GNAQ: variants seen among roughly 807,000 people sequenced by gnomAD.
GNAQ encodes the protein guanine nucleotide-binding protein G(q) subunit alpha.
In GNAQ, 8 loss-of-function variants were observed where a neutral mutation model predicts 43.9. The observed-to-expected ratio is 0.18, with a 90% CI of 0.11 to 0.33. GNAQ has a LOEUF of 0.33. Ranked by LOEUF, GNAQ falls within the 10% of genes least tolerant of loss-of-function variation. The pLI is 1.00. For synonymous variants in GNAQ, 155 were observed against 170.7 expected (o/e 0.91, Z 0.71); for missense variants, 158 against 450.8 (o/e 0.35, Z 5.88).
chr9:77,901,245 G>C (rs1206811604), intron 2 of GNAQ, among the ~76,000 whole-genome samples: 1 of 152,094 alleles, frequency 6.6e-6, no homozygotes, highest in East Asian at 1.9e-4. Context: ...TCCTGCCCAA[G>C]GGCTCTTGGG....
chr9:77,765,160 T>G (rs1259352994), intron 5 of GNAQ, among the ~76,000 whole-genome samples: 1 of 151,880 alleles, frequency 6.6e-6, no homozygotes, highest in East Asian at 1.9e-4. Context: ...AAGAACTTAT[T>G]TAAAAAAAAA....
intron 2 of GNAQ, among the ~76,000 whole-genome samples, chr9:77,868,989 G>A (rs774892655): frequency 1.1e-4 from 16 of 151,670 alleles, no homozygotes; most frequent in Admixed American, 2.6e-4. Flanking sequence ...TCTGTCTTGC[G>A]GGGGAGGGGG....
chr9:78,005,113 GCAAT>G (rs916876922), intron 1 of GNAQ, among the ~76,000 whole-genome samples: 12 of 152,118 alleles, frequency 7.9e-5, no homozygotes, highest in Non-Finnish European at 1.5e-4. Context: ...GTGCAGTGGG[GCAAT>G]CATGACTCAC....
chr9:77,992,764 G>A (rs1318009420), intron 1 of GNAQ, among the ~76,000 whole-genome samples: 1 of 151,980 alleles, frequency 6.6e-6, no homozygotes, highest in African/African-American at 2.4e-5. Flanking sequence ...AGCCAACATG[G>A]CAAAACCCCT....
At chr9:77,841,405 T>C (rs145393449) in intron 2 of GNAQ, among the ~76,000 whole-genome samples, 189 of 152,334 alleles carry the variant, frequency 1.2e-3, no homozygotes, top group African/African-American at 4.2e-3. Context: ...GCTCTCAGTA[T>C]ATATTTAAAC....
At chr9:77,778,198 CAT>C (rs765561849) in intron 5 of GNAQ, among the ~76,000 whole-genome samples, 103 of 143,320 alleles carry the variant, frequency 7.2e-4, no homozygotes, top group Admixed American at 1.9e-3. Flanking sequence ...TTTATATATA[CAT>C]AGTTTTACAC....
At chr9:77,894,760 T>C (rs1228983539) in intron 2 of GNAQ, among the ~76,000 whole-genome samples, 1 of 151,854 alleles carries the variant, frequency 6.6e-6, no homozygotes, top group Non-Finnish European at 1.5e-5. Flanking sequence ...TGTGATAAAA[T>C]GGTGAGAATA....
intron 1 of GNAQ, among the ~76,000 whole-genome samples, chr9:77,996,674 T>C (rs1273702025): frequency 2.1e-4 from 15 of 69,930 alleles, no homozygotes; most frequent in African/African-American, 8.2e-4. Flanking sequence ...CGAGACTCCA[T>C]CTCAAAAAAA....
intron 1 of GNAQ, among the ~76,000 whole-genome samples, chr9:77,965,432 CCA>C (rs1272979679): frequency 6.6e-6 from 1 of 152,042 alleles, no homozygotes; most frequent in African/African-American, 2.4e-5. Context: ...AAAAGACAAA[CCA>C]CAGACAAGGA....
chr9:77,889,373 T>C (rs1828362545), intron 2 of GNAQ, among the ~76,000 whole-genome samples: 1 of 118,172 alleles, frequency 8.5e-6, no homozygotes, highest in Non-Finnish European at 1.6e-5. Context: ...ATCCTGCCAC[T>C]GCATTCCAGC....
intron 2 of GNAQ, among the ~76,000 whole-genome samples, chr9:77,905,136 A>C (rs1011689045): frequency 2.0e-5 from 3 of 152,186 alleles, no homozygotes; most frequent in South Asian, 2.1e-4. Flanking sequence ...AGAAAGGCAA[A>C]TCCAGAAGTT....
At chr9:77,904,159 A>T (rs1229622635) in intron 2 of GNAQ, among the ~76,000 whole-genome samples, 1 of 152,044 alleles carries the variant, frequency 6.6e-6, no homozygotes, top group African/African-American at 2.4e-5. Context: ...TTAATGATCT[A>T]TCCTGCATCT....
chr9:77,881,187 T>C (rs1165944560), intron 2 of GNAQ, among the ~76,000 whole-genome samples: 3 of 152,168 alleles, frequency 2.0e-5, no homozygotes, highest in Admixed American at 6.5e-5. Context: ...CCATTTATTT[T>C]ATGCCGCACC....
rs568465948 is a variant in GNAQ, at chr9:77,859,312, G to T, written c.322-43542C>A. On this transcript the variant is annotated intron_variant, in intron 2 of 6. Transcript: ENST00000286548. ...GTATATTCTTACAGTACATTTAGAAGAATTATCCTATTCACTCCCTTAATG... is the reference window on the plus strand; with the variant it reads ...GTATATTCTTACAGTACATTTAGAATAATTATCCTATTCACTCCCTTAATG... Among the ~76,000 whole-genome samples, 3 of 152,256 alleles carry T rather than the reference G, an allele frequency of 2.0e-5. No homozygotes were observed. The East Asian group carries it at 5.8e-4, about 29-fold the overall frequency.
chr9:77,952,915 T>C (rs1822999967), intron 1 of GNAQ, among the ~76,000 whole-genome samples: 1 of 152,248 alleles, frequency 6.6e-6, no homozygotes, highest in Non-Finnish European at 1.5e-5. Flanking sequence ...AAATATTAAG[T>C]ATGTTTTTGA....
intron 2 of GNAQ, among the ~76,000 whole-genome samples, chr9:77,842,282 C>T (rs1397781583): frequency 6.6e-6 from 1 of 152,170 alleles, no homozygotes; most frequent in Non-Finnish European, 1.5e-5. Context: ...CTTCAAGGCT[C>T]TAACTGTAGT....
chr9:77,753,228 A>G (rs1825844101), intron 5 of GNAQ, among the ~76,000 whole-genome samples: 1 of 152,078 alleles, frequency 6.6e-6, no homozygotes, highest in African/African-American at 2.4e-5. Context: ...GTTCTTCAGT[A>G]TGATCATCGG....
At chr9:77,763,657 A>G (rs572203241) in intron 5 of GNAQ, among the ~76,000 whole-genome samples, 1 of 152,342 alleles carries the variant, frequency 6.6e-6, no homozygotes, top group South Asian at 2.1e-4. Flanking sequence ...CATTCATTAC[A>G]AGGGTAAATA....
chr9:77,966,269 A>C (rs1823166297), intron 1 of GNAQ, among the ~76,000 whole-genome samples: 1 of 152,200 alleles, frequency 6.6e-6, no homozygotes, highest in South Asian at 2.1e-4. Flanking sequence ...GACACATGTA[A>C]GTGACAAAAC....
Sources: gnomAD v4.1 joint callset for allele counts (sites outside exome capture counted in the v4.1 genomes callset) on GRCh38, gnomAD v4.1.1 for gene constraint, MANE v1.5 for transcripts, NCBI Gene and HGNC (gene_info 2026-07-23, HGNC 2026-07-21) for gene names.